The following DSCC1 variants were observed in gnomAD, a reference collection of about 807,000 sequenced individuals.
The protein encoded by DSCC1 is sister chromatid cohesion protein DCC1.
A neutral mutation model predicts 48.2 loss-of-function variants in DSCC1; 32 were observed. That is an observed-to-expected ratio of 0.66 (90% CI 0.50 to 0.89). The LOEUF is 0.89. DSCC1 is among the 40% of genes least tolerant of loss of function. DSCC1 has a pLI of 0.00. For synonymous variants in DSCC1, 150 were observed against 171.5 expected (o/e 0.87, Z 0.98); for missense variants, 421 against 471.7 (o/e 0.89, Z 1.00).
intron 1 of DSCC1, among the ~76,000 whole-genome samples, chr8:119,854,060 A>T: frequency 6.6e-6 from 1 of 152,254 alleles, no homozygotes; most frequent in African/African-American, 2.4e-5. Flanking sequence ...AGAAAAATTT[A>T]AAAGTTAGCT....
chr8:119,853,085 T>C lies in DSCC1; in HGVS notation c.313A>G (p.Lys105Glu). Reference protein sequence around the residue: ...IPGCKTPDQLKKEDSHCNIIH... With the variant: ...IPGCKTPDQLEKEDSHCNIIH... Reference sequence around the variant, plus strand: ...ATGTTACAGTGTGAATCTTCCTTCTTCAACTGGTCCGGAGTTTTACAACCA... The same window carrying C: ...ATGTTACAGTGTGAATCTTCCTTCTCCAACTGGTCCGGAGTTTTACAACCA... The change falls in exon 2 of 9, where the codon AAG becomes GAG. Residue 105 changes from lysine (K) to glutamate (E), a missense_variant. Transcript: ENST00000313655. 1 of 1,613,918 alleles carries C rather than the reference T, an allele frequency of 6.2e-7. No individual in the cohort carries two copies. Among genetic ancestry groups the C allele is most frequent in the African/African-American group, 1.3e-5 (1 of 75,018 alleles).
chr8:119,842,625 AC>A, intron 6 of DSCC1, 150 bp downstream of exon 6: 2 of 626,478 alleles, frequency 3.2e-6, no homozygotes, highest in Non-Finnish European at 2.8e-6. Context: ...GGTTCAAGCG[AC>A]CCACCCACTG....
intron 3 of DSCC1, among the ~76,000 whole-genome samples, chr8:119,848,955 C>T (rs962348498): frequency 1.3e-5 from 2 of 151,730 alleles, no homozygotes; most frequent in East Asian, 2.0e-4. Flanking sequence ...GAGGCCGAGG[C>T]GGGTGGATCA....
intron 8 of DSCC1, among the ~76,000 whole-genome samples, chr8:119,836,053 C>A (rs751485519): frequency 8.5e-5 from 13 of 152,232 alleles, no homozygotes; most frequent in Non-Finnish European, 1.9e-4. Context: ...CGGCTCATGC[C>A]TGTAATCCCA....
At chr8:119,841,732 G>A (rs1274068435) in intron 7 of DSCC1, 62 bp downstream of exon 7, 2 of 1,565,968 alleles carry the variant, frequency 1.3e-6, no homozygotes, top group East Asian at 2.3e-5. Flanking sequence ...TCCAACTCAA[G>A]TATCATTCAC....
At chr8:119,841,601 T>C (rs1282865030) in intron 7 of DSCC1, among the ~76,000 whole-genome samples, 193 bp downstream of exon 7, 1 of 152,342 alleles carries the variant, frequency 6.6e-6, no homozygotes, top group Middle Eastern at 3.4e-3. Context: ...TTTAAAGGTA[T>C]ATTTTATAAT....
chr8:119,853,266 A>G (rs1826968120), intron 1 of DSCC1, 51 bp from the exon 2 acceptor site: 2 of 1,544,074 alleles, frequency 1.3e-6, no homozygotes, highest in African/African-American at 2.7e-5. Context: ...TCCAGTAGCC[A>G]TTTTCATCAT....
chr8:119,848,657 CT>C (rs1826896711), intron 3 of DSCC1, among the ~76,000 whole-genome samples: 1 of 152,178 alleles, frequency 6.6e-6, no homozygotes, highest in Admixed American at 6.5e-5. Context: ...ACATTAAAAT[CT>C]TGTATACGAA....
intron 8 of DSCC1, among the ~76,000 whole-genome samples, chr8:119,837,322 A>T (rs544998013): frequency 6.6e-6 from 1 of 152,330 alleles, no homozygotes; most frequent in South Asian, 2.1e-4. Flanking sequence ...AGGAGCAGGG[A>T]CAATTCATAC....
At chr8:119,842,079 T>C (rs896703431) in intron 6 of DSCC1, 131 bp from the exon 7 acceptor site, 45 of 1,076,500 alleles carry the variant, frequency 4.2e-5, no homozygotes, top group Admixed American at 2.2e-4. Context: ...AACCCCATAG[T>C]TCGTTTTTTT....
chr8:119,846,708 A>G (rs1826862609), intron 4 of DSCC1, among the ~76,000 whole-genome samples: 1 of 152,158 alleles, frequency 6.6e-6, no homozygotes, highest in Non-Finnish European at 1.5e-5. Context: ...AATTACAGGC[A>G]TGCACCACCA....
intron 4 of DSCC1, among the ~76,000 whole-genome samples, chr8:119,845,564 C>G (rs534774804): frequency 1.8e-4 from 27 of 152,050 alleles, no homozygotes; most frequent in Non-Finnish European, 2.5e-4. Flanking sequence ...CTACGCATCC[C>G]CCTAGAGAAA....
chr8:119,840,600 G>T (rs1042866326), intron 7 of DSCC1, among the ~76,000 whole-genome samples: 2 of 152,172 alleles, frequency 1.3e-5, no homozygotes, highest in Non-Finnish European at 2.9e-5. Context: ...TTTATCCTGA[G>T]TGCAGTAGGT....
rs1826617485 is a variant in DSCC1, at chr8:119,833,999, A to G, written c.*894T>C. 1 of 152,252 alleles carries G rather than the reference A, an allele frequency of 6.6e-6. No individual in the cohort carries two copies. Among genetic ancestry groups the G allele is most frequent in the Admixed American group, 6.5e-5 (1 of 15,286 alleles). The allele number at this position is 152,252 out of a possible 1,614,324, so 9.4% of individuals were successfully genotyped here. On this transcript the variant is annotated 3_prime_UTR_variant, in exon 9 of 9. Coordinates refer to ENST00000313655, the MANE Select transcript of DSCC1 (RefSeq NM_024094.3). The stretch of plus-strand genomic sequence containing the variant: ...TATAAATGCAGAAACATTTATTGAA[A>G]GACATTTCGAAGCCATCGTGTTTGT...
At position 119,843,734 on chromosome 8, in the gene DSCC1, A is replaced by C. The variant is rs1436796946; in HGVS notation, c.591T>G (p.Ile197Met). 1.9e-6 allele frequency: 3 copies of C among 1,608,756 alleles called. No individual in the cohort carries two copies. The South Asian group carries it at 3.4e-5, about 18-fold the overall frequency. Reference sequence around the variant, plus strand: ...GTTTCATCTCATAATCAAATTCAAGAATCCTCCAATAACCTACAAATTTCA... The same window carrying C: ...GTTTCATCTCATAATCAAATTCAAGCATCCTCCAATAACCTACAAATTTCA... ...NACKIGGYWR[I>M]LEFDYEMKLL... is the part of the protein sequence containing the mutation. The change falls in exon 5 of 9, where the codon ATT (isoleucine) becomes ATG (methionine). Residue 197 changes from isoleucine (I) to methionine (M), a missense_variant. This residue lies in a region of DSCC1 where 238 missense variants were observed against 259.0 expected (regional missense o/e 0.92). Transcript: ENST00000313655.
intron 1 of DSCC1, 135 bp downstream of exon 1, chr8:119,855,479 G>A (rs1168798733): frequency 4.7e-6 from 6 of 1,264,644 alleles, no homozygotes; most frequent in Non-Finnish European, 5.2e-6. Flanking sequence ...GGACTCCTCG[G>A]GAACAGGCAG....
In DSCC1 at chr8:119,834,612, T is replaced by TA; in HGVS notation, c.*280dup. On this transcript the variant is annotated 3_prime_UTR_variant, in exon 9 of 9. Transcript: ENST00000313655. Reference sequence around the variant, plus strand: ...AAGTAAAGAAATGACATTTTAAATATAAAAAGCCAAACTTTAAATAAATCA... The same window carrying TA: ...AAGTAAAGAAATGACATTTTAAATATAAAAAAGCCAAACTTTAAATAAATCA... The TA allele has an allele frequency of 3.7e-6, 1 of 268,688 alleles. No homozygotes were observed. The highest frequency in any genetic ancestry group is 6.9e-6 in the Non-Finnish European group (1 of 144,530). 16.6% of individuals were successfully genotyped at this position (268,688 alleles called of 1,614,324 possible). A position where few individuals can be genotyped will look rare whatever the true frequency, so the allele number is the denominator to read the frequency against.
chr8:119,841,289 G>T (rs1195690287), intron 7 of DSCC1, among the ~76,000 whole-genome samples: 1 of 152,192 alleles, frequency 6.6e-6, no homozygotes, highest in African/African-American at 2.4e-5. Context: ...ACCGCACTTG[G>T]TCTGACTGGC....
chr8:119,853,967 T>G (rs1826977890), intron 1 of DSCC1, among the ~76,000 whole-genome samples: 1 of 152,162 alleles, frequency 6.6e-6, no homozygotes, highest in Non-Finnish European at 1.5e-5. Flanking sequence ...CCTAGCACTT[T>G]AGGAGGCTGA....
Sources: gnomAD v4.1 joint callset for allele counts (sites outside exome capture counted in the v4.1 genomes callset) on GRCh38, gnomAD v4.1.1 for gene constraint, gnomAD v4.1.1 regional missense constraint, MANE v1.5 for transcripts, NCBI Gene and HGNC (gene_info 2026-07-23, HGNC 2026-07-21) for gene names.